MS4A1: variants seen among roughly 807,000 people sequenced by gnomAD.
The protein encoded by MS4A1 is B-lymphocyte antigen CD20.
In MS4A1, 16 loss-of-function variants were observed where a neutral mutation model predicts 26.5. That is an observed-to-expected ratio of 0.60 (90% CI 0.41 to 0.92). The LOEUF (loss-of-function observed/expected upper bound fraction) is 0.92, where lower values mean the gene tolerates loss of function less well. Ranked by LOEUF, MS4A1 falls within the 40% of genes least tolerant of loss-of-function variation. The pLI is 0.00. For synonymous variants in MS4A1, 128 were observed against 117.6 expected (o/e 1.09, Z -0.57); for missense variants, 350 against 353.0 (o/e 0.99, Z 0.07).
chr11:60,469,586 A>G lies in MS4A1; in HGVS notation c.*1118A>G, dbSNP rs1195986335. On this transcript the variant is annotated 3_prime_UTR_variant, in exon 8 of 8. Coordinates refer to ENST00000345732, the MANE Select transcript of MS4A1 (RefSeq NM_152866.3). ...ACACAGAGAGCCAGATTCAGATTTT[A>G]CCCATGGGGATAAAAAGACTCAGAC... 6.6e-6 allele frequency: 1 copy of G among 152,162 alleles called. No individual in the cohort carries two copies. Among genetic ancestry groups the G allele is most frequent in the Non-Finnish European group, 1.5e-5 (1 of 67,992 alleles). 9.4% of individuals were successfully genotyped at this position (152,162 alleles called of 1,614,324 possible).
At position 60,469,996 on chromosome 11, in the gene MS4A1, C is replaced by T. The variant is rs2086330376; in HGVS notation, c.*1528C>T. 6.6e-6 allele frequency: 1 copy of T among 152,058 alleles called. No individual in the cohort carries two copies. The highest frequency in any genetic ancestry group is 2.4e-5 in the African/African-American group (1 of 41,426). 9.4% of individuals were successfully genotyped at this position (152,058 alleles called of 1,614,324 possible). A position where few individuals can be genotyped will look rare whatever the true frequency, so the allele number is the denominator to read the frequency against. On this transcript the variant is annotated 3_prime_UTR_variant, in exon 8 of 8. Transcript: ENST00000345732. ...AAAAAAGGAGATAGAAGATTTCTGT[C>T]TATGTAAAGTTCTCAAAATTTGTTC...
chr11:60,463,064 A>G lies in MS4A1; in HGVS notation c.222A>G (p.Ala74=), dbSNP rs1483969661. Reference sequence around the variant, plus strand: ...TGGGGGGTCTTCTGATGATCCCAGCAGGGATCTATGCACCCATCTGTGTGA... The same window carrying G: ...TGGGGGGTCTTCTGATGATCCCAGCGGGGATCTATGCACCCATCTGTGTGA... ...IALGGLLMIP[A]GIYAPICVTV... The change falls in exon 4 of 8, where the codon GCA becomes GCG. Residue 74 remains alanine, a synonymous_variant. Transcript: ENST00000345732. 1.2e-6 allele frequency: 2 copies of G among 1,613,914 alleles called. No individual in the cohort carries two copies. Among genetic ancestry groups the G allele is most frequent in the Non-Finnish European group, 1.7e-6 (2 of 1,179,900 alleles).
intron 1 of MS4A1, among the ~76,000 whole-genome samples, chr11:60,457,275 G>A (rs971554685): frequency 4.6e-5 from 7 of 152,128 alleles, no homozygotes; most frequent in African/African-American, 1.4e-4. Flanking sequence ...CTCTGGTGGC[G>A]GTAGTGGGAT....
At chr11:60,460,597 A>G (rs572350726) in intron 1 of MS4A1, among the ~76,000 whole-genome samples, 1 of 152,338 alleles carries the variant, frequency 6.6e-6, no homozygotes, top group South Asian at 2.1e-4. Flanking sequence ...GACATCTTAC[A>G]TGACTTACAA....
intron 1 of MS4A1, among the ~76,000 whole-genome samples, chr11:60,456,373 C>T (rs1660909032): frequency 6.6e-6 from 1 of 152,180 alleles, no homozygotes; most frequent in Admixed American, 6.5e-5. Flanking sequence ...AATCCTGAAT[C>T]CCTTAGGACT....
Position 60,470,137 on chromosome 11 carries a change from G to C in MS4A1, c.*1669G>C, listed in dbSNP as rs199740275. On this transcript the variant is annotated 3_prime_UTR_variant, in exon 8 of 8. Coordinates refer to ENST00000345732, the MANE Select transcript of MS4A1 (RefSeq NM_152866.3). ...GACCATGGGAGGCTCTTACAGCCTTGAGTTGATATTTATACAACCCAAATC... is the reference window on the plus strand; with the variant it reads ...GACCATGGGAGGCTCTTACAGCCTTCAGTTGATATTTATACAACCCAAATC... 3.9e-5 allele frequency: 6 copies of C among 152,044 alleles called. No individual in the cohort carries two copies. In the South Asian group the frequency reaches 1.2e-3, roughly 32 times the overall value. 9.4% of individuals were successfully genotyped at this position (152,044 alleles called of 1,614,324 possible). A position where few individuals can be genotyped will look rare whatever the true frequency, so the allele number is the denominator to read the frequency against.
rs1249477303 is a variant in MS4A1, at chr11:60,463,790, A to C, written c.280-498A>C. The C allele has an allele frequency of 1.1e-5, 5 of 455,750 alleles. No homozygotes were observed. The East Asian group carries it at 3.5e-4, about 32-fold the overall frequency. 28.2% of individuals were successfully genotyped at this position (455,750 alleles called of 1,614,324 possible). A position where few individuals can be genotyped will look rare whatever the true frequency, so the allele number is the denominator to read the frequency against. ...GAATGTGAGAAAAGGAAGATGAGCA[A>C]TAGTCATCATCACTTCCTGTAACAG... On this transcript the variant is annotated intron_variant, in intron 4 of 7. Coordinates refer to ENST00000345732, the MANE Select transcript of MS4A1 (RefSeq NM_152866.3).
intron 1 of MS4A1, 41 bp downstream of exon 1, chr11:60,455,986 G>A (rs1354843236): frequency 6.6e-6 from 1 of 152,168 alleles, no homozygotes; most frequent in African/African-American, 2.4e-5. Flanking sequence ...CTTAAAGGAG[G>A]TGATGGATAA....
chr11:60,458,865 CAG>C lies in MS4A1; in HGVS notation c.-279-2203_-279-2202del, dbSNP rs200955217. Among the ~76,000 whole-genome samples the C allele has an allele frequency of 6.2e-3, 926 of 149,960 alleles. 12 individuals are homozygous for C. The highest frequency in any genetic ancestry group is 0.021 in the African/African-American group (854 of 40,608). ...ATAGTTTCCATAAGAAATAAAAAAA[CAG>C]AGAAAGCACTCATGTGTTTCTTTAT... On this transcript the variant is annotated intron_variant, in intron 1 of 7. Transcript: ENST00000345732.
At chr11:60,462,555 C>A (rs199900525) in intron 3 of MS4A1, 22 bp downstream of exon 3, 165 of 1,613,922 alleles carry the variant, frequency 1.0e-4, no homozygotes, top group Non-Finnish European at 1.3e-4. Flanking sequence ...GCCTTCCATC[C>A]CATGTCGTAG....
At chr11:60,462,829 G>A (rs2086259720) in intron 3 of MS4A1, among the ~76,000 whole-genome samples, 173 bp from the exon 4 acceptor site, 2 of 152,196 alleles carry the variant, frequency 1.3e-5, no homozygotes, top group Admixed American at 1.3e-4. Context: ...AATGCCCCAT[G>A]TGGTTGAGGA....
Position 60,468,655 on chromosome 11 carries a change from C to A in MS4A1, c.*187C>A, listed in dbSNP as rs1013441981. The stretch of plus-strand genomic sequence containing the variant: ...GTAGAGAATGTAGCCATTGTAGCAG[C>A]TTGTGTTGTCACGCTTCTTCTTTTG... On this transcript the variant is annotated 3_prime_UTR_variant, in exon 8 of 8. Coordinates refer to ENST00000345732, the MANE Select transcript of MS4A1 (RefSeq NM_152866.3). 2.2e-5 allele frequency: 14 copies of A among 630,804 alleles called. No homozygotes were observed. The highest frequency in any genetic ancestry group is 3.9e-4 in the Middle Eastern group (1 of 2,576). 39.1% of individuals were successfully genotyped at this position (630,804 alleles called of 1,614,324 possible).
rs143708987 is a variant in MS4A1 at position 60,466,091 on chromosome 11, A to C, written c.507A>C (p.Pro169=). 3.7e-6 allele frequency: 6 copies of C among 1,613,900 alleles called. No homozygotes were observed. Among genetic ancestry groups the C allele is most frequent in the Non-Finnish European group, 4.2e-6 (5 of 1,179,886 alleles). The stretch of plus-strand genomic sequence containing the variant: ...ATATTAACATATACAACTGTGAACC[A>C]GCTAATCCCTCTGAGAAAAACTCCC... The part of the protein sequence containing the change: ...TPYINIYNCE[P]ANPSEKNSPS... Residue 169 remains proline, a synonymous_variant, in exon 6 of 8, where the codon CCA becomes CCC. Transcript: ENST00000345732.
chr11:60,463,976 T>G, intron 4 of MS4A1: 2 of 433,982 alleles, frequency 4.6e-6, no homozygotes, highest in South Asian at 4.9e-5. Context: ...ACTTTTAAAT[T>G]TATGGTATGA....
rs990411396 is a variant in MS4A1 at position 60,469,469 on chromosome 11, G to T, written c.*1001G>T. 3.3e-5 allele frequency: 5 copies of T among 152,040 alleles called. No homozygotes were observed. Among genetic ancestry groups the T allele is most frequent in the Non-Finnish European group, 4.4e-5 (3 of 67,968 alleles). The allele number at this position is 152,040 out of a possible 1,614,324, so 9.4% of individuals were successfully genotyped here. A position where few individuals can be genotyped will look rare whatever the true frequency, so the allele number is the denominator to read the frequency against. ...CTGTGATGTTTGAAATAACCAAATT[G>T]TCTCTCCAATGTCTGCATAAACTGT... is the stretch of plus-strand genomic sequence containing the variant. On this transcript the variant is annotated 3_prime_UTR_variant, in exon 8 of 8. Transcript: ENST00000345732.
intron 5 of MS4A1, among the ~76,000 whole-genome samples, chr11:60,464,778 A>C (rs993216224): frequency 6.6e-6 from 1 of 152,228 alleles, no homozygotes; most frequent in African/African-American, 2.4e-5. Flanking sequence ...GAAGGGTAAC[A>C]GTCCTTGCTA....
rs1432563493 is a variant in MS4A1, at chr11:60,469,639, A to G, written c.*1171A>G. The G allele has an allele frequency of 6.6e-6, 1 of 152,170 alleles. No homozygotes were observed. Among genetic ancestry groups the G allele is most frequent in the Non-Finnish European group, 1.5e-5 (1 of 67,994 alleles). The allele number at this position is 152,170 out of a possible 1,614,324, so 9.4% of individuals were successfully genotyped here. On this transcript the variant is annotated 3_prime_UTR_variant, in exon 8 of 8. Coordinates refer to ENST00000345732, the MANE Select transcript of MS4A1 (RefSeq NM_152866.3). ...TCACCACATTTGGAAAACTACTTGC[A>G]TCATAAATATATAATAACTGGTAGT... is the stretch of plus-strand genomic sequence containing the variant.
intron 1 of MS4A1, among the ~76,000 whole-genome samples, chr11:60,459,907 C>G (rs895908000): frequency 6.6e-6 from 1 of 152,178 alleles, no homozygotes; most frequent in Non-Finnish European, 1.5e-5. Flanking sequence ...GACAAAGCAG[C>G]CTGGTACCCT....
chr11:60,467,380 G>A (rs985979055), intron 7 of MS4A1, among the ~76,000 whole-genome samples: 1 of 151,312 alleles, frequency 6.6e-6, no homozygotes, highest in Non-Finnish European at 1.5e-5. Context: ...GGGTTCAGGC[G>A]ATTCTCCTGC....
Sources: gnomAD v4.1 joint callset for allele counts (sites outside exome capture counted in the v4.1 genomes callset) on GRCh38, gnomAD v4.1.1 for gene constraint, MANE v1.5 for transcripts, NCBI Gene and HGNC (gene_info 2026-07-23, HGNC 2026-07-21) for gene names.